KLRG2: variants seen among roughly 807,000 people sequenced by gnomAD.
KLRG2 encodes the protein killer cell lectin like receptor G2, also known as killer cell lectin-like receptor subfamily G member 2.
A neutral mutation model predicts 35.4 loss-of-function variants in KLRG2; 39 were observed. The observed-to-expected ratio is 1.10, with a 90% CI of 0.85 to 1.44. KLRG2 has a LOEUF of 1.44. Among genes scored for constraint, KLRG2 ranks in the 40% most tolerant of loss-of-function variants. KLRG2 has a pLI of 0.00. For synonymous variants in KLRG2, 283 were observed against 265.8 expected (o/e 1.06, Z -0.63); for missense variants, 632 against 570.9 (o/e 1.11, Z -1.09).
chr7:139,474,972 A>C lies in KLRG2; in HGVS notation c.1005+4655T>G, dbSNP rs138412984. On this transcript the variant is annotated intron_variant, in intron 3 of 4. Transcript: ENST00000340940. ...AATCTGCTGTGGGTCATAAGACCCT[A>C]TTCTAGGGAGGGTCCTGGCCCATCT... Among the ~76,000 whole-genome samples the C allele has an allele frequency of 2.9e-3, 448 of 152,214 alleles. 2 individuals are homozygous for C. The highest frequency in any genetic ancestry group is 0.01 in the African/African-American group (427 of 41,544).
the KLRG2 span, among the ~76,000 whole-genome samples, chr7:139,428,560 G>A: frequency 6.6e-6 from 1 of 152,040 alleles, no homozygotes; most frequent in Non-Finnish European, 1.5e-5. Context: ...TGCCTGGCCA[G>A]TTACATTTTT....
chr7:139,473,267 C>T (rs1455915787), intron 3 of KLRG2, among the ~76,000 whole-genome samples: 1 of 151,598 alleles, frequency 6.6e-6, no homozygotes, highest in African/African-American at 2.4e-5. Flanking sequence ...GGTGACAGAC[C>T]AAGACTCTGT....
chr7:139,447,025 G>A, the KLRG2 span, among the ~76,000 whole-genome samples: 10 of 135,254 alleles, frequency 7.4e-5, no homozygotes, highest in South Asian at 2.2e-4. Context: ...CTTTTGACAG[G>A]ACCTGCTAGA....
the KLRG2 span, among the ~76,000 whole-genome samples, chr7:139,432,766 A>C: frequency 1.3e-5 from 2 of 152,106 alleles, no homozygotes; most frequent in Non-Finnish European, 2.9e-5. Context: ...ATTGCTTATA[A>C]CACCTGATAC....
At chr7:139,449,245 T>C (rs936078616), downstream of KLRG2, among the ~76,000 whole-genome samples, 3 of 151,122 alleles carry the variant, frequency 2.0e-5, no homozygotes, top group African/African-American at 7.3e-5. Flanking sequence ...CTACTAAAAA[T>C]ACAAAAATTA....
intron 3 of KLRG2, among the ~76,000 whole-genome samples, chr7:139,475,270 G>A (rs182284457): frequency 5.9e-5 from 9 of 152,256 alleles, no homozygotes; most frequent in Admixed American, 3.9e-4. Flanking sequence ...GGTGGCTCAC[G>A]CCTGTAATCT....
At chr7:139,479,475 A>G in intron 3 of KLRG2, 152 bp downstream of exon 3, 3 of 761,294 alleles carry the variant, frequency 3.9e-6, no homozygotes, top group South Asian at 1.7e-5. Flanking sequence ...CAGGAGTTAG[A>G]GGCTGCACGA....
At chr7:139,473,215 AG>A (rs1165391669) in intron 3 of KLRG2, among the ~76,000 whole-genome samples, 2 of 152,224 alleles carry the variant, frequency 1.3e-5, no homozygotes, top group African/African-American at 2.4e-5. Flanking sequence ...TGTGAGGCAG[AG>A]GTTGCAGTGA....
At chr7:139,466,079 T>C (rs11769802) in intron 3 of KLRG2, among the ~76,000 whole-genome samples, 13,796 of 152,116 alleles carry the variant, frequency 0.091, 696 homozygotes, top group Middle Eastern at 0.18. Flanking sequence ...TAAAAATCTA[T>C]CCTCAAAAAA....
At chr7:139,427,901 G>A in the KLRG2 span, among the ~76,000 whole-genome samples, 1 of 152,146 alleles carries the variant, frequency 6.6e-6, no homozygotes, top group Non-Finnish European at 1.5e-5. Flanking sequence ...TACTCGAAGG[G>A]ACCATATTCT....
the KLRG2 span, among the ~76,000 whole-genome samples, chr7:139,447,647 C>T: frequency 1.3e-5 from 2 of 152,054 alleles, no homozygotes; most frequent in Admixed American, 1.3e-4. Flanking sequence ...AAGTGATCTG[C>T]CCACCTCGGC....
intron 3 of KLRG2, among the ~76,000 whole-genome samples, chr7:139,465,148 C>G (rs1024115739): frequency 2.1e-4 from 32 of 152,226 alleles, no homozygotes; most frequent in African/African-American, 7.7e-4. Context: ...ATCTTCCACA[C>G]CTATCAGTGA....
chr7:139,457,990 GAGC>G (rs1796504968), intron 3 of KLRG2, among the ~76,000 whole-genome samples: 1 of 152,182 alleles, frequency 6.6e-6, no homozygotes, highest in South Asian at 2.1e-4. Context: ...ATGTGATCCT[GAGC>G]AGAATGGACT....
At chr7:139,439,465 G>A in the KLRG2 span, among the ~76,000 whole-genome samples, 5 of 152,160 alleles carry the variant, frequency 3.3e-5, no homozygotes, top group East Asian at 5.8e-4. Flanking sequence ...AGTTAGAGGC[G>A]AGGTTTGAAA....
At chr7:139,456,979 T>C (rs1035415989) in intron 3 of KLRG2, among the ~76,000 whole-genome samples, 1 of 152,186 alleles carries the variant, frequency 6.6e-6, no homozygotes, top group South Asian at 2.1e-4. Context: ...ATCAGGCCAC[T>C]GTGTATCCCA....
At chr7:139,482,127 CCACT>C (rs1311709077) in intron 1 of KLRG2, among the ~76,000 whole-genome samples, 1 of 152,080 alleles carries the variant, frequency 6.6e-6, no homozygotes, top group Non-Finnish European at 1.5e-5. Flanking sequence ...CCCTGTGGTC[CCACT>C]CACTATCTAC....
At chr7:139,435,590 C>T in the KLRG2 span, among the ~76,000 whole-genome samples, 1 of 152,074 alleles carries the variant, frequency 6.6e-6, no homozygotes. Context: ...AAATTCTCTC[C>T]TGGCCTCTCC....
chr7:139,441,793 A>G, the KLRG2 span, among the ~76,000 whole-genome samples: 2 of 152,112 alleles, frequency 1.3e-5, no homozygotes, highest in Non-Finnish European at 2.9e-5. Context: ...TGATTCATCT[A>G]TTGAATAGGG....
intron 3 of KLRG2, among the ~76,000 whole-genome samples, chr7:139,462,918 C>T (rs1796590873): frequency 6.6e-6 from 1 of 152,118 alleles, no homozygotes; most frequent in East Asian, 1.9e-4. Context: ...TCCTTTCCTC[C>T]CCAGGTTGCT....
Sources: allele counts gnomAD v4.1 joint callset (sites outside exome capture counted in the v4.1 genomes callset), GRCh38; gene constraint gnomAD v4.1.1; transcripts MANE v1.5; gene names NCBI Gene and HGNC (gene_info 2026-07-23, HGNC 2026-07-21).